The following SS18L1 variants were observed in gnomAD, a reference collection of about 807,000 sequenced individuals.
SS18L1 encodes the protein calcium-responsive transactivator.
A neutral mutation model predicts 70.3 loss-of-function variants in SS18L1; 32 were observed. The ratio of observed to expected loss-of-function variants is 0.46; its 90% CI spans 0.34 to 0.61. The LOEUF (loss-of-function observed/expected upper bound fraction) is 0.61. Among genes scored for constraint, SS18L1 ranks in the 20% least tolerant of loss-of-function variants. The pLI is 0.01. For synonymous variants in SS18L1, 237 were observed against 229.7 expected (o/e 1.03, Z -0.29); for missense variants, 430 against 542.1 (o/e 0.79, Z 2.05).
intron 1 of SS18L1, among the ~76,000 whole-genome samples, chr20:62,150,369 C>T (rs868695467): frequency 3.3e-5 from 5 of 152,168 alleles, no homozygotes; most frequent in African/African-American, 7.2e-5. Context: ...GAGTGGCAGG[C>T]GCTAGCGCAG....
At chr20:62,165,125 G>A (rs774974774) in intron 7 of SS18L1, among the ~76,000 whole-genome samples, 25 of 152,362 alleles carry the variant, frequency 1.6e-4, no homozygotes, top group Non-Finnish European at 2.8e-4. Context: ...CGGTGGCGGG[G>A]AGAAGGCAGT....
chr20:62,172,395 T>TG (rs1415645030), intron 8 of SS18L1, among the ~76,000 whole-genome samples: 3 of 152,108 alleles, frequency 2.0e-5, no homozygotes, highest in Non-Finnish European at 2.9e-5. Context: ...CACAGGTACT[T>TG]GGAGTTAGGA....
At chr20:62,164,317 G>A (rs67159836) in intron 7 of SS18L1, 71 bp downstream of exon 7, 1 of 1,422,454 alleles carries the variant, frequency 7.0e-7, no homozygotes. Flanking sequence ...GGGCAAGGAG[G>A]GCAAGGAGGG....
chr20:62,158,637 C>A lies in SS18L1; in HGVS notation c.70-35C>A. 6.2e-7 allele frequency: 1 copy of A among 1,607,482 alleles called. No homozygotes were observed. The highest frequency in any genetic ancestry group is 2.2e-5 in the East Asian group (1 of 44,788). On this transcript the variant is annotated intron_variant, in intron 1 of 10. Transcript: ENST00000331758. This position sits in a 1 kb window ranked among gnomAD's most constrained non-coding sequence, Gnocchi z 4.5. ...TCATCCCGAGGGTCAGCGACAGCCCCGCGTCGGCAGCGCCCGCTCACGCTC... is the reference window on the plus strand; with the variant it reads ...TCATCCCGAGGGTCAGCGACAGCCCAGCGTCGGCAGCGCCCGCTCACGCTC...
At chr20:62,146,019 G>A (rs930140339) in intron 1 of SS18L1, among the ~76,000 whole-genome samples, 2 of 148,852 alleles carry the variant, frequency 1.3e-5, no homozygotes, top group South Asian at 2.1e-4. Context: ...GGAGAAAGAG[G>A]TCTACAACTT....
chr20:62,163,345 G>C, intron 5 of SS18L1, 113 bp from the exon 6 acceptor site: 1 of 1,486,038 alleles, frequency 6.7e-7, no homozygotes, highest in Non-Finnish European at 9.1e-7. Flanking sequence ...CTGTCCTCGT[G>C]GGGAGCACAG....
In SS18L1 at chr20:62,165,621, T is replaced by TA. The variant is rs1431016786; in HGVS notation, c.916+110dup. ...CGGTGCCTGCCTTCAGTGAGTCCCT[T>TA]AAATCACAGCACAGCGCGTGGGAGG... is the stretch of plus-strand genomic sequence containing the variant. On this transcript the variant is annotated intron_variant, in intron 8 of 10. Coordinates refer to ENST00000331758, the MANE Select transcript of SS18L1 (RefSeq NM_198935.3). 2.3e-5 allele frequency: 24 copies of TA among 1,032,600 alleles called. 1 individual carries two copies. The African/African-American group carries it at 3.6e-4, about 16-fold the overall frequency. 64.0% of individuals were successfully genotyped at this position (1,032,600 alleles called of 1,614,324 possible).
Position 62,181,157 on chromosome 20 carries a change from G to C in SS18L1, c.*1949G>C, listed in dbSNP as rs1343918564. On this transcript the variant is annotated 3_prime_UTR_variant, in exon 11 of 11. Coordinates refer to ENST00000331758, the MANE Select transcript of SS18L1 (RefSeq NM_198935.3). Reference sequence around the variant, plus strand: ...TAGGAGACGGATGTCACGCACAAATGGGGAGAGAAGTGTTTATTTTGTAGG... The same window carrying C: ...TAGGAGACGGATGTCACGCACAAATCGGGAGAGAAGTGTTTATTTTGTAGG... 1 of 194,574 alleles carries C rather than the reference G, an allele frequency of 5.1e-6. No homozygotes were observed. Among genetic ancestry groups the C allele is most frequent in the Non-Finnish European group, 1.1e-5 (1 of 93,544 alleles). The allele number at this position is 194,574 out of a possible 1,614,324, so 12.1% of individuals were successfully genotyped here.
At position 62,159,296 on chromosome 20, in the gene SS18L1, A is replaced by G. The variant is rs1320673176; in HGVS notation, c.146+548A>G. ...TGCGTGGCCAGTCTGCCACCCTCCA[A>G]GCGGCTGTCCAAGTGGCCGTCAGAC... On this transcript the variant is annotated intron_variant, in intron 2 of 10. Transcript: ENST00000331758. This position sits in a 1 kb window ranked among gnomAD's most constrained non-coding sequence, Gnocchi z 4.4. 2.0e-5 allele frequency among the ~76,000 whole-genome samples: 3 copies of G among 152,296 alleles called. No individual in the cohort carries two copies. Among genetic ancestry groups the G allele is most frequent in the East Asian group, 1.9e-4 (1 of 5,172 alleles).
chr20:62,174,467 GAA>G lies in SS18L1; in HGVS notation c.1037-48_1037-47del, dbSNP rs536136473. 80 of 1,547,572 alleles carry G rather than the reference GAA, an allele frequency of 5.2e-5. 1 individual carries two copies. In the African/African-American group the frequency reaches 8.5e-4, roughly 16 times the overall value. The stretch of plus-strand genomic sequence containing the variant: ...AAATTTTTAAGTTAAGAAAAAAAAA[GAA>G]AGAGGTGTCCGTTTTGGCCGGCCTC... On this transcript the variant is annotated intron_variant, in intron 9 of 10. Coordinates refer to ENST00000331758, the MANE Select transcript of SS18L1 (RefSeq NM_198935.3). This position sits in a 1 kb window ranked among gnomAD's most constrained non-coding sequence, Gnocchi z 4.1.
At position 62,180,413 on chromosome 20, in the gene SS18L1, A is replaced by G. The variant is rs934479540; in HGVS notation, c.*1205A>G. 5.4e-6 allele frequency: 1 copy of G among 184,796 alleles called. No individual in the cohort carries two copies. The highest frequency in any genetic ancestry group is 2.3e-5 in the African/African-American group (1 of 42,626). The allele number at this position is 184,796 out of a possible 1,614,324, so 11.4% of individuals were successfully genotyped here. ...TCCCACATTTCAATTAACAAGTAGC[A>G]TGGACATTTGATCAACCTTTAGTTG... On this transcript the variant is annotated 3_prime_UTR_variant, in exon 11 of 11. Transcript: ENST00000331758.
In SS18L1 at chr20:62,162,863, C is replaced by T. The variant is rs780996671; in HGVS notation, c.488C>T (p.Pro163Leu). ...SHAGPASQGV[P>L]MQGQGTIGNY... ...GCGGGACCCGCCTCGCAGGGCGTCC[C>T]CATGCAGGGGCAAGGCACCATCGGC... is the stretch of plus-strand genomic sequence containing the variant. The change falls in exon 5 of 11, where the codon CCC becomes CTC. Residue 163 changes from proline (P) to leucine (L), a missense_variant. Physicochemically the swap from Pro to Leu is moderately conservative, Grantham distance 98. Coordinates refer to ENST00000331758, the MANE Select transcript of SS18L1 (RefSeq NM_198935.3). The T allele has an allele frequency of 6.2e-7, 1 of 1,612,804 alleles. No homozygotes were observed. The highest frequency in any genetic ancestry group is 1.1e-5 in the South Asian group (1 of 91,078).
chr20:62,149,045 C>T (rs1189910380), intron 1 of SS18L1, among the ~76,000 whole-genome samples: 2 of 152,222 alleles, frequency 1.3e-5, no homozygotes, highest in Admixed American at 6.5e-5. Flanking sequence ...GCCCTTTGCG[C>T]GGTCTGGGCC....
rs1158319257 is a variant in SS18L1 at position 62,159,148 on chromosome 20, G to A, written c.146+400G>A. 2.6e-5 allele frequency among the ~76,000 whole-genome samples: 4 copies of A among 152,220 alleles called. No individual in the cohort carries two copies. On this transcript the variant is annotated intron_variant, in intron 2 of 10. Transcript: ENST00000331758. This position sits in a 1 kb window ranked among gnomAD's most constrained non-coding sequence, Gnocchi z 4.4. ...AAGTGGGAGGCAGGAGCAGTGTGGG[G>A]AGGCCTGGGCCAGCCTCTCTGGGCA...
At position 62,147,393 on chromosome 20, in the gene SS18L1, G is replaced by A. The variant is rs1210491581; in HGVS notation, c.69+3504G>A. Among the ~76,000 whole-genome samples, 10 of 152,266 alleles carry A rather than the reference G, an allele frequency of 6.6e-5. No homozygotes were observed. In the East Asian group the frequency reaches 1.9e-3, roughly 29 times the overall value. On this transcript the variant is annotated intron_variant, in intron 1 of 10. Coordinates refer to ENST00000331758, the MANE Select transcript of SS18L1 (RefSeq NM_198935.3). ...TGGGTGTTCTCTAGCCACCAGCTGGGGACTGTAGTGTTCTGTTGTCCAGTG... is the reference window on the plus strand; with the variant it reads ...TGGGTGTTCTCTAGCCACCAGCTGGAGACTGTAGTGTTCTGTTGTCCAGTG...
chr20:62,148,597 C>T (rs1003953959), intron 1 of SS18L1, among the ~76,000 whole-genome samples: 3 of 145,150 alleles, frequency 2.1e-5, no homozygotes, highest in South Asian at 4.5e-4. Flanking sequence ...TTGCTGTCTT[C>T]GGTCAGGTGA....
chr20:62,170,129 G>A (rs1054763280), intron 8 of SS18L1, among the ~76,000 whole-genome samples: 21 of 152,244 alleles, frequency 1.4e-4, no homozygotes, highest in African/African-American at 4.1e-4. Flanking sequence ...AGGGTGTGCC[G>A]TGGCCTCTTG....
chr20:62,144,037 C>T (rs899418038), intron 1 of SS18L1, 148 bp downstream of exon 1: 3 of 353,246 alleles, frequency 8.5e-6, no homozygotes, highest in African/African-American at 4.5e-5. Context: ...GCCCCGTGCC[C>T]TTCCCCGCGT....
At position 62,147,649 on chromosome 20, in the gene SS18L1, C is replaced by T. The variant is rs560417046; in HGVS notation, c.69+3760C>T. Among the ~76,000 whole-genome samples, 119 of 152,098 alleles carry T rather than the reference C, an allele frequency of 7.8e-4. 1 individual carries two copies. Among genetic ancestry groups the T allele is most frequent in the South Asian group, 3.7e-3 (18 of 4,808 alleles). On this transcript the variant is annotated intron_variant, in intron 1 of 10. Transcript: ENST00000331758. ...GTGTCTGGATCCCCAGCACCTGTTGCGGGGCAGGGTTGGGGAAAGGCTCTG... is the reference window on the plus strand; with the variant it reads ...GTGTCTGGATCCCCAGCACCTGTTGTGGGGCAGGGTTGGGGAAAGGCTCTG...
Sources: allele counts gnomAD v4.1 joint callset (sites outside exome capture counted in the v4.1 genomes callset), GRCh38; gene constraint gnomAD v4.1.1; non-coding constraint Gnocchi (gnomAD v3.1); transcripts MANE v1.5; gene names NCBI Gene and HGNC (gene_info 2026-07-23, HGNC 2026-07-21).